The following CALN1 variants were observed in gnomAD, a reference collection of about 807,000 sequenced individuals.
The protein encoded by CALN1 is calneuron 1.
CALN1 carries 17 observed loss-of-function variants against 30.6 expected under a neutral mutation model. That is an observed-to-expected ratio of 0.56 (90% CI 0.38 to 0.83). CALN1 has a LOEUF of 0.83. Among genes scored for constraint, CALN1 ranks in the 40% least tolerant of loss-of-function variants. The pLI is 0.00. For missense variants in CALN1, 291 were observed against 354.9 expected (o/e 0.82, Z 1.45); for synonymous variants, 156 against 131.4 (o/e 1.19, Z -1.28).
intron 2 of CALN1, among the ~76,000 whole-genome samples, chr7:72,330,466 CAAAAAAAA>C (rs34819395): frequency 1.8e-5 from 2 of 113,060 alleles, no homozygotes; most frequent in Non-Finnish European, 3.5e-5. Flanking sequence ...AGACTGTCTC[CAAAAAAAA>C]AAAAAAAAAA....
Position 71,780,723 on chromosome 7 carries a change from T to G in CALN1, c.*7052A>C, listed in dbSNP as rs1562766328. 6.6e-6 allele frequency: 1 copy of G among 150,834 alleles called. No homozygotes were observed. 9.3% of individuals were successfully genotyped at this position (150,834 alleles called of 1,614,324 possible). ...AAAAAAAAAAAAGCAAAGAAAGAAA[T>G]AACTGGAAATTGTGCTCTTTATTCA... On this transcript the variant is annotated 3_prime_UTR_variant, in exon 7 of 7. Coordinates refer to ENST00000395275, the MANE Select transcript of CALN1 (RefSeq NM_031468.4).
chr7:72,344,845 T>C (rs1229405434), intron 2 of CALN1, among the ~76,000 whole-genome samples: 2 of 147,540 alleles, frequency 1.4e-5, no homozygotes, highest in Non-Finnish European at 3.0e-5. Context: ...AAAATATAAG[T>C]ATATATAGCA....
intron 5 of CALN1, among the ~76,000 whole-genome samples, chr7:71,981,142 A>G (rs988744137): frequency 6.6e-6 from 1 of 152,198 alleles, no homozygotes; most frequent in Non-Finnish European, 1.5e-5. Flanking sequence ...TTCCTGGTCC[A>G]TAACTCCCTT....
the CALN1 span, among the ~76,000 whole-genome samples, chr7:72,458,952 C>A: frequency 6.8e-6 from 1 of 147,262 alleles, no homozygotes. Context: ...ACTCTGTCGC[C>A]CAGTGTGGAG....
chr7:72,155,063 A>T (rs1787560437), intron 3 of CALN1, among the ~76,000 whole-genome samples: 1 of 152,048 alleles, frequency 6.6e-6, no homozygotes, highest in Admixed American at 6.6e-5. Flanking sequence ...TCTCTAAAAA[A>T]ATAATGATAA....
intron 5 of CALN1, among the ~76,000 whole-genome samples, chr7:71,952,649 C>A (rs181874516): frequency 3.3e-5 from 5 of 150,952 alleles, no homozygotes; most frequent in Admixed American, 2.0e-4. Context: ...TAGTGTAGAT[C>A]GCTAGCGATC....
intron 5 of CALN1, among the ~76,000 whole-genome samples, chr7:71,922,732 G>A (rs1584517855): frequency 8.6e-6 from 1 of 116,100 alleles, no homozygotes; most frequent in Non-Finnish European, 1.8e-5. Context: ...ATAACATACA[G>A]AATATATTAT....
chr7:71,987,297 G>T (rs1798725064), intron 5 of CALN1, among the ~76,000 whole-genome samples: 1 of 152,200 alleles, frequency 6.6e-6, no homozygotes, highest in Non-Finnish European at 1.5e-5. Flanking sequence ...CAGTGTCTGT[G>T]AACACGAGGA....
chr7:72,161,827 T>G (rs1350031957), intron 3 of CALN1, among the ~76,000 whole-genome samples: 4 of 151,856 alleles, frequency 2.6e-5, no homozygotes, highest in African/African-American at 4.8e-5. Flanking sequence ...ATGCTGGGCT[T>G]AATATCTAGG....
intron 5 of CALN1, among the ~76,000 whole-genome samples, chr7:71,982,058 T>C (rs1361757775): frequency 6.6e-6 from 1 of 152,218 alleles, no homozygotes; most frequent in Non-Finnish European, 1.5e-5. Context: ...AGTTGACTTC[T>C]AGCTTTCTCT....
chr7:72,400,091 T>A (rs527794367), intron 2 of CALN1, among the ~76,000 whole-genome samples: 160 of 152,250 alleles, frequency 1.1e-3, no homozygotes, highest in Non-Finnish European at 2.0e-3. Context: ...ACCTTTTTTT[T>A]AATCAATTAC....
chr7:72,345,005 C>T (rs1445014333), intron 2 of CALN1, among the ~76,000 whole-genome samples: 1 of 146,682 alleles, frequency 6.8e-6, no homozygotes, highest in African/African-American at 2.5e-5. Flanking sequence ...ATATATAATA[C>T]ATTATATATG....
intron 5 of CALN1, among the ~76,000 whole-genome samples, chr7:71,905,560 T>C (rs1794089215): frequency 6.6e-6 from 1 of 152,118 alleles, no homozygotes; most frequent in Non-Finnish European, 1.5e-5. Flanking sequence ...ATCAGTAGCA[T>C]GCTAAGCTTA....
intron 6 of CALN1, among the ~76,000 whole-genome samples, chr7:71,801,855 G>A (rs1267028987): frequency 6.6e-6 from 1 of 151,950 alleles, no homozygotes. Context: ...GTGCATGCCT[G>A]TAATCCCAGC....
chr7:72,356,922 G>C (rs9638652), intron 2 of CALN1, among the ~76,000 whole-genome samples: 2 of 151,628 alleles, frequency 1.3e-5, no homozygotes, highest in Non-Finnish European at 2.9e-5. Context: ...CGTATGTCTT[G>C]CTCTAAAACC....
At chr7:72,063,247 A>C (rs1389130926) in intron 4 of CALN1, among the ~76,000 whole-genome samples, 3 of 152,228 alleles carry the variant, frequency 2.0e-5, no homozygotes, top group Non-Finnish European at 4.4e-5. Flanking sequence ...ATGTTAATTC[A>C]AAATTTAAAT....
chr7:71,836,487 TAGAG>T (rs1789608883), intron 5 of CALN1, among the ~76,000 whole-genome samples: 1 of 152,172 alleles, frequency 6.6e-6, no homozygotes, highest in South Asian at 2.1e-4. Context: ...TTCACCTTCA[TAGAG>T]AAACAGCGAT....
chr7:72,156,710 G>A (rs1585055978), intron 3 of CALN1, among the ~76,000 whole-genome samples: 1 of 152,226 alleles, frequency 6.6e-6, no homozygotes, highest in East Asian at 1.9e-4. Context: ...GGGGCAAAGT[G>A]TTCTGTTTGT....
chr7:72,439,364 T>C (rs6460724), intron 1 of CALN1, among the ~76,000 whole-genome samples: 82,953 of 151,924 alleles, frequency 0.55, 22,943 homozygotes, highest in Middle Eastern at 0.61. Context: ...AAAACTTGAC[T>C]GCTAATAGCC....
Sources: allele counts gnomAD v4.1 joint callset (sites outside exome capture counted in the v4.1 genomes callset), GRCh38; gene constraint gnomAD v4.1.1; transcripts MANE v1.5; gene names NCBI Gene and HGNC (gene_info 2026-07-23, HGNC 2026-07-21).